ARFIP1: variants seen among roughly 807,000 people sequenced by gnomAD.
ARFIP1 encodes arfaptin-1.
A neutral mutation model predicts 42.5 loss-of-function variants in ARFIP1; 24 were observed. The observed-to-expected ratio is 0.57, with a 90% CI of 0.41 to 0.80. The LOEUF (loss-of-function observed/expected upper bound fraction) is 0.80. Among genes scored for constraint, ARFIP1 ranks in the 30% least tolerant of loss-of-function variants. The probability of loss-of-function intolerance (pLI) is 0.00; values close to 1 mark genes in which losing one functional copy is unlikely to be tolerated. For synonymous variants in ARFIP1, 141 were observed against 153.7 expected, an observed-to-expected ratio of 0.92 and a Z score of 0.61; for missense variants, 354 against 434.0, an observed-to-expected ratio of 0.82 and a Z score of 1.64.
intron 2 of ARFIP1, among the ~76,000 whole-genome samples, chr4:152,836,729 A>C (rs1362906744): frequency 6.6e-6 from 1 of 152,206 alleles, no homozygotes; most frequent in Non-Finnish European, 1.5e-5. Flanking sequence ...GCACTGAAAC[A>C]AATTTTTTTC....
intron 1 of ARFIP1, among the ~76,000 whole-genome samples, chr4:152,797,473 A>G (rs1731538625): frequency 6.6e-6 from 1 of 152,314 alleles, no homozygotes; most frequent in Admixed American, 6.5e-5. Context: ...TTGAATATCA[A>G]CTTGCCAAAC....
chr4:152,863,453 A>G (rs781769880), intron 2 of ARFIP1, among the ~76,000 whole-genome samples, 153 bp from the exon 3 acceptor site: 21 of 152,250 alleles, frequency 1.4e-4, no homozygotes, highest in Non-Finnish European at 2.2e-4. Flanking sequence ...CTGATTATAC[A>G]TCATTATAGA....
chr4:152,840,959 A>C (rs1732019483), intron 2 of ARFIP1, among the ~76,000 whole-genome samples: 1 of 150,194 alleles, frequency 6.7e-6, no homozygotes. Context: ...ACCTCAGGTG[A>C]TCCACCCGCC....
At chr4:152,821,585 G>A (rs1422454883) in intron 1 of ARFIP1, among the ~76,000 whole-genome samples, 1 of 152,142 alleles carries the variant, frequency 6.6e-6, no homozygotes, top group Non-Finnish European at 1.5e-5. Context: ...GAATAATTGA[G>A]GAAAACTCCC....
At chr4:152,869,115 C>A (rs1367112098) in intron 3 of ARFIP1, among the ~76,000 whole-genome samples, 3 of 152,230 alleles carry the variant, frequency 2.0e-5, no homozygotes, top group African/African-American at 7.2e-5. Context: ...AGATCCAGTT[C>A]AAGTTAAGGT....
At chr4:152,837,377 GT>G in intron 2 of ARFIP1, among the ~76,000 whole-genome samples, 1 of 152,148 alleles carries the variant, frequency 6.6e-6, no homozygotes, top group South Asian at 2.1e-4. Flanking sequence ...GGCTGTACTA[GT>G]TTACATTCCC....
intron 7 of ARFIP1, among the ~76,000 whole-genome samples, chr4:152,886,794 G>T (rs184993352): frequency 1.3e-5 from 2 of 151,934 alleles, no homozygotes; most frequent in South Asian, 4.1e-4. Flanking sequence ...TGCCTGGAAC[G>T]TGGAAAGTGC....
intron 2 of ARFIP1, among the ~76,000 whole-genome samples, chr4:152,850,261 C>T (rs759598014): frequency 6.6e-6 from 1 of 152,062 alleles, no homozygotes; most frequent in Non-Finnish European, 1.5e-5. Flanking sequence ...AACTTTCAGC[C>T]TAGACAGCGA....
intron 1 of ARFIP1, among the ~76,000 whole-genome samples, chr4:152,821,241 T>G (rs2149839414): frequency 6.6e-6 from 1 of 152,256 alleles, no homozygotes; most frequent in South Asian, 2.1e-4. Context: ...AACATAAATT[T>G]AAAAAACAAT....
chr4:152,868,265 T>C (rs1283563233), intron 3 of ARFIP1, among the ~76,000 whole-genome samples: 1 of 152,206 alleles, frequency 6.6e-6, no homozygotes, highest in Non-Finnish European at 1.5e-5. Context: ...GAAGTGTACT[T>C]GGTACCAGGG....
At chr4:152,907,371 C>A (rs1738449415) in intron 8 of ARFIP1, among the ~76,000 whole-genome samples, 1 of 151,846 alleles carries the variant, frequency 6.6e-6, no homozygotes, top group South Asian at 2.1e-4. Flanking sequence ...GAATGTTTAA[C>A]ATACAGACAA....
intron 3 of ARFIP1, among the ~76,000 whole-genome samples, chr4:152,866,660 C>G (rs560078261): frequency 9.2e-5 from 14 of 151,574 alleles, no homozygotes; most frequent in Non-Finnish European, 1.8e-4. Flanking sequence ...CCCTCCCGGA[C>G]GGGGTGGCTG....
At chr4:152,860,124 G>T (rs1733769947) in intron 2 of ARFIP1, among the ~76,000 whole-genome samples, 1 of 152,104 alleles carries the variant, frequency 6.6e-6, no homozygotes, top group Non-Finnish European at 1.5e-5. Context: ...GAAGGAGAAA[G>T]ACATTAATAC....
intron 2 of ARFIP1, among the ~76,000 whole-genome samples, chr4:152,851,643 G>T (rs1350299227): frequency 6.6e-6 from 1 of 152,188 alleles, no homozygotes; most frequent in Admixed American, 6.5e-5. Flanking sequence ...AACTGTCTCT[G>T]TCTAGTTTGA....
intron 1 of ARFIP1, among the ~76,000 whole-genome samples, chr4:152,826,719 G>T (rs1435266992): frequency 6.6e-6 from 1 of 152,086 alleles, no homozygotes; most frequent in Non-Finnish European, 1.5e-5. Flanking sequence ...GATCTTGCAG[G>T]ATCTTGCACA....
chr4:152,792,203 C>G (rs1013454066), intron 1 of ARFIP1, among the ~76,000 whole-genome samples: 1 of 152,130 alleles, frequency 6.6e-6, no homozygotes, highest in African/African-American at 2.4e-5. Flanking sequence ...CTTGACTCAC[C>G]AGTCAGAAGT....
intron 2 of ARFIP1, among the ~76,000 whole-genome samples, chr4:152,836,719 G>T (rs12331182): frequency 0.01 from 1,524 of 152,134 alleles, 22 homozygotes; most frequent in African/African-American, 0.034. Flanking sequence ...CCTTTGAGTA[G>T]CACTGAAACA....
At chr4:152,863,855 T>G in intron 3 of ARFIP1, 141 bp downstream of exon 3, 1 of 532,768 alleles carries the variant, frequency 1.9e-6, no homozygotes, top group Non-Finnish European at 3.3e-6. Flanking sequence ...TTCCTTTTTC[T>G]CTTCAATTTA....
At chr4:152,880,811 C>T (rs62319944) in intron 5 of ARFIP1, 152 bp from the exon 6 acceptor site, 20,349 of 597,958 alleles carry the variant, frequency 0.034, 599 homozygotes, top group South Asian at 0.1. Context: ...GGTGAATTTA[C>T]TTTCTGAGTC....
Sources: allele counts gnomAD v4.1 joint callset (sites outside exome capture counted in the v4.1 genomes callset), GRCh38; gene constraint gnomAD v4.1.1; transcripts MANE v1.5; gene names NCBI Gene and HGNC (gene_info 2026-07-23, HGNC 2026-07-21).